EPC1: variants seen among roughly 807,000 people sequenced by gnomAD.
EPC1 encodes the protein enhancer of polycomb homolog 1.
Under a neutral mutation model 98.4 loss-of-function variants are expected in EPC1, and 12 were observed. That is an observed-to-expected ratio of 0.12 (90% confidence interval 0.08 to 0.20). EPC1 has a LOEUF of 0.20. Ranked by LOEUF, EPC1 falls within the 10% of genes least tolerant of loss-of-function variation. The probability of loss-of-function intolerance (pLI) is 1.00; values close to 1 mark genes in which losing one functional copy is unlikely to be tolerated. For synonymous variants in EPC1, 357 were observed against 363.9 expected (o/e 0.98, Z 0.21); for missense variants, 729 against 990.5 (o/e 0.74, Z 3.54).
intron 1 of EPC1, among the ~76,000 whole-genome samples, chr10:32,323,513 C>T (rs1231949842): frequency 2.0e-5 from 3 of 152,120 alleles, no homozygotes; most frequent in Non-Finnish European, 4.4e-5. Flanking sequence ...TTTCTGATTT[C>T]ATTAGATGAG....
rs754962884 is a variant in EPC1, at chr10:32,269,122, A to G, written c.2383T>C (p.Ser795Pro). ...ATGTTGTTCAGTGCTGGCTTTTCTG[A>G]TTCATGATTTTCCCTGTTGAAATAA... ...VDSVPRENHESEKPALNNIAD... is the reference protein window; with the variant it reads ...VDSVPRENHEPEKPALNNIAD... Residue 795 changes from serine to proline, a missense_variant, in exon 14 of 14, where the codon TCA (serine) becomes CCA (proline). Ser to Pro is a moderately conservative substitution (Grantham distance 74). Coordinates refer to ENST00000319778, the MANE Select transcript of EPC1 (RefSeq NM_001272004.3). 2 of 1,613,788 alleles carry G rather than the reference A, an allele frequency of 1.2e-6. No homozygotes were observed. The highest frequency in any genetic ancestry group is 4.5e-5 in the East Asian group (2 of 44,862).
intron 10 of EPC1, among the ~76,000 whole-genome samples, chr10:32,278,873 A>T (rs1836246886): frequency 6.6e-6 from 1 of 152,202 alleles, no homozygotes; most frequent in Non-Finnish European, 1.5e-5. Context: ...GCAAACTATG[A>T]CCAGACCTGA....
Position 32,286,674 on chromosome 10 carries a change from G to A in EPC1, c.1391+20C>T. The A allele has an allele frequency of 1.9e-6, 3 of 1,612,744 alleles. No individual in the cohort carries two copies. The highest frequency in any genetic ancestry group is 1.3e-5 in the African/African-American group (1 of 74,992). ...TAATGCCTAAAATATCCTTCTGCTA[G>A]GAATACAGAAATACCTTACCTTCCA... On this transcript the variant is annotated intron_variant, in intron 9 of 13. Transcript: ENST00000319778.
chr10:32,277,264 T>C (rs1361806386), intron 10 of EPC1, among the ~76,000 whole-genome samples: 1 of 152,108 alleles, frequency 6.6e-6, no homozygotes, highest in East Asian at 1.9e-4. Flanking sequence ...AAGCTCCAAA[T>C]ATTTAACCAG....
chr10:32,293,189 G>T lies in EPC1; in HGVS notation c.465C>A (p.Val155=). 1 of 1,608,670 alleles carries T rather than the reference G, an allele frequency of 6.2e-7. No homozygotes were observed. The change falls in exon 4 of 14, where the codon GTC becomes GTA. Residue 155 remains valine (V), a synonymous_variant. Coordinates refer to ENST00000319778, the MANE Select transcript of EPC1 (RefSeq NM_001272004.3). ...RLEKGSGQQP[V]SLQEAKLLLK... is the part of the protein sequence containing the mutation. Reference sequence around the variant, plus strand: ...GCAGTAGTTTGGCTTCCTGCAGACTGACTGGCTAAATGTAAAACCATTATG... The same window carrying T: ...GCAGTAGTTTGGCTTCCTGCAGACTTACTGGCTAAATGTAAAACCATTATG...
chr10:32,342,751 C>A (rs898241054), intron 1 of EPC1, among the ~76,000 whole-genome samples: 2 of 152,128 alleles, frequency 1.3e-5, no homozygotes, highest in African/African-American at 4.8e-5. Flanking sequence ...TGGAACAACG[C>A]ACCCTAGACA....
chr10:32,294,849 G>A (rs954727524), intron 2 of EPC1, among the ~76,000 whole-genome samples: 1 of 151,812 alleles, frequency 6.6e-6, no homozygotes, highest in Non-Finnish European at 1.5e-5. Context: ...ATTCTCTCCA[G>A]TGTTATCAGT....
rs1247123262 is a variant in EPC1 at position 32,269,130 on chromosome 10, T to G, written c.2375A>C (p.Asn792Thr). ...SSSVDSVPRE[N>T]HESEKPALNN... ...CAGTGCTGGCTTTTCTGATTCATGA[T>G]TTTCCCTGTTGAAATAAAGTTCAAT... Residue 792 changes from asparagine to threonine, a missense_variant, in exon 14 of 14, where the codon AAT becomes ACT. Physicochemically the swap from Asn to Thr is moderately conservative, Grantham distance 65. Around this residue, in one of 6 missense-constraint regions of EPC1, gnomAD observed 156 missense variants for 188.9 expected, o/e 0.83. Coordinates refer to ENST00000319778, the MANE Select transcript of EPC1 (RefSeq NM_001272004.3). 6 of 1,613,418 alleles carry G rather than the reference T, an allele frequency of 3.7e-6. No individual in the cohort carries two copies. Among genetic ancestry groups the G allele is most frequent in the Non-Finnish European group, 5.1e-6 (6 of 1,179,512 alleles).
intron 2 of EPC1, among the ~76,000 whole-genome samples, chr10:32,300,358 T>G (rs914373612): frequency 6.6e-6 from 1 of 151,178 alleles, no homozygotes; most frequent in African/African-American, 2.4e-5. Flanking sequence ...ACTCGTCATT[T>G]ACATTAGGCA....
upstream of EPC1, chr10:32,347,305 C>G: frequency 1.5e-6 from 1 of 677,040 alleles, no homozygotes; most frequent in Non-Finnish European, 1.9e-6. Flanking sequence ...GGCCTCGCTT[C>G]CCGCGCCTCG....
At chr10:32,288,941 T>C (rs1836845550) in intron 6 of EPC1, among the ~76,000 whole-genome samples, 1 of 151,778 alleles carries the variant, frequency 6.6e-6, no homozygotes, top group African/African-American at 2.4e-5. Context: ...TACAAAAAAT[T>C]AGCCAGGCGT....
At chr10:32,337,832 C>T (rs1331504846) in intron 1 of EPC1, among the ~76,000 whole-genome samples, 1 of 152,084 alleles carries the variant, frequency 6.6e-6, no homozygotes, top group Admixed American at 6.5e-5. Flanking sequence ...TCCTTCTCAC[C>T]ACTCCACCAA....
At chr10:32,279,927 T>C (rs957009933) in intron 10 of EPC1, among the ~76,000 whole-genome samples, 1 of 152,194 alleles carries the variant, frequency 6.6e-6, no homozygotes, top group Non-Finnish European at 1.5e-5. Context: ...ACATACGGTC[T>C]TTCCCAGTTC....
chr10:32,339,707 G>A (rs567673477), intron 1 of EPC1, among the ~76,000 whole-genome samples: 237 of 152,184 alleles, frequency 1.6e-3, no homozygotes, highest in Non-Finnish European at 2.6e-3. Context: ...AAGCAAGGCC[G>A]TTCTAAAAAT....
rs553397787 is a variant in EPC1 at position 32,347,086 on chromosome 10, C to T, written c.-171G>A. 3 of 1,443,972 alleles carry T rather than the reference C, an allele frequency of 2.1e-6. No homozygotes were observed. Among genetic ancestry groups the T allele is most frequent in the African/African-American group, 1.4e-5 (1 of 69,904 alleles). 89.4% of individuals were successfully genotyped at this position (1,443,972 alleles called of 1,614,324 possible). On this transcript the variant is annotated 5_prime_UTR_variant, in exon 1 of 14. Coordinates refer to ENST00000319778, the MANE Select transcript of EPC1 (RefSeq NM_001272004.3). ...CCAGCCGGGAGGGTGGGAGGCTGTG[C>T]CGCTCCGCTCCTCTCTCGCTCGCTC...
At chr10:32,326,049 T>C (rs764157903) in intron 1 of EPC1, among the ~76,000 whole-genome samples, 15 of 152,152 alleles carry the variant, frequency 9.9e-5, no homozygotes, top group Admixed American at 2.0e-4. Flanking sequence ...CTTGATGAAT[T>C]TATACCTCTT....
rs556367058 is a variant in EPC1 at position 32,285,356 on chromosome 10, T to TG, written c.1392-307dup. ...ATTTAAGCAAAAACTTCATTCCTTT[T>TG]GGGGGGAAAGGGAGAAGAGAGAAGA... On this transcript the variant is annotated intron_variant, in intron 9 of 13. Coordinates refer to ENST00000319778, the MANE Select transcript of EPC1 (RefSeq NM_001272004.3). The TG allele has an allele frequency of 2.3e-4, 59 of 260,756 alleles. No individual in the cohort carries two copies. The South Asian group carries it at 4.1e-3, about 18-fold the overall frequency. 16.2% of individuals were successfully genotyped at this position (260,756 alleles called of 1,614,324 possible).
intron 1 of EPC1, among the ~76,000 whole-genome samples, chr10:32,321,735 G>A (rs114241809): frequency 0.011 from 1,711 of 151,994 alleles, 34 homozygotes; most frequent in African/African-American, 0.039. Context: ...CCGAAGTGGC[G>A]GAAGTAGGAT....
At chr10:32,338,128 G>C (rs1334170120) in intron 1 of EPC1, among the ~76,000 whole-genome samples, 1 of 152,124 alleles carries the variant, frequency 6.6e-6, no homozygotes, top group Non-Finnish European at 1.5e-5. Flanking sequence ...GACGAAAGAG[G>C]CACATTTCAA....
Sources: allele counts gnomAD v4.1 joint callset (sites outside exome capture counted in the v4.1 genomes callset), GRCh38; gene constraint gnomAD v4.1.1; regional missense constraint gnomAD v4.1.1; transcripts MANE v1.5; gene names NCBI Gene and HGNC (gene_info 2026-07-23, HGNC 2026-07-21).